Variants in SHISA9 observed in about 807,000 individuals in gnomAD.
SHISA9 encodes protein shisa-9.
Under a neutral mutation model 38.0 loss-of-function variants are expected in SHISA9, and 13 were observed. That is an observed-to-expected ratio of 0.34 (90% confidence interval 0.22 to 0.54). The LOEUF is 0.54. SHISA9 is among the 20% of genes least tolerant of loss of function. The probability of loss-of-function intolerance (pLI) is 0.91; values close to 1 mark genes in which losing one functional copy is unlikely to be tolerated. For missense variants in SHISA9, 538 were observed against 575.8 expected, an observed-to-expected ratio of 0.93 and a Z score of 0.67; for synonymous variants, 275 against 242.0, an observed-to-expected ratio of 1.14 and a Z score of -1.27.
At chr16:13,211,133 C>T (rs552220927) in intron 3 of SHISA9, among the ~76,000 whole-genome samples, 1 of 152,024 alleles carries the variant, frequency 6.6e-6, no homozygotes, top group Non-Finnish European at 1.5e-5. Context: ...CCCATCTCTA[C>T]TAAAAATACA....
intron 2 of SHISA9, among the ~76,000 whole-genome samples, chr16:13,005,494 A>C (rs1436599340): frequency 6.6e-6 from 1 of 152,222 alleles, no homozygotes; most frequent in African/African-American, 2.4e-5. Context: ...GCTCAAGGTC[A>C]CACAGTCAGT....
chr16:13,109,598 T>C (rs1177494222), intron 2 of SHISA9, among the ~76,000 whole-genome samples: 2 of 152,174 alleles, frequency 1.3e-5, no homozygotes, highest in East Asian at 3.9e-4. Flanking sequence ...TTTTAGAAAA[T>C]TTACTGACTT....
intron 2 of SHISA9, among the ~76,000 whole-genome samples, chr16:13,133,213 T>C (rs2050320421): frequency 6.6e-6 from 1 of 152,212 alleles, no homozygotes; most frequent in Admixed American, 6.5e-5. Context: ...GATCTTGATT[T>C]CTACCAAGTA....
At chr16:12,986,797 C>T (rs773469177) in intron 2 of SHISA9, among the ~76,000 whole-genome samples, 112 of 152,140 alleles carry the variant, frequency 7.4e-4, no homozygotes, top group Non-Finnish European at 9.8e-4. Context: ...AACCATTATC[C>T]CCAATTTAAA....
the SHISA9 span, among the ~76,000 whole-genome samples, chr16:13,404,692 A>G: frequency 1.3e-5 from 2 of 152,228 alleles, no homozygotes; most frequent in Admixed American, 1.3e-4. Flanking sequence ...AAAATCACTG[A>G]AAGAGATTCT....
At chr16:13,243,825 T>G (rs772732674), downstream of SHISA9, among the ~76,000 whole-genome samples, 16 of 143,230 alleles carry the variant, frequency 1.1e-4, no homozygotes, top group Non-Finnish European at 9.0e-5. Context: ...CAGGCTGCAG[T>G]GCAGTGGCGC....
At chr16:12,946,253 A>G (rs1318361331) in intron 2 of SHISA9, among the ~76,000 whole-genome samples, 3 of 152,154 alleles carry the variant, frequency 2.0e-5, no homozygotes, top group Non-Finnish European at 4.4e-5. Context: ...GCCCTGTAGT[A>G]TAGTTTGCAG....
intron 2 of SHISA9, among the ~76,000 whole-genome samples, chr16:13,173,296 A>G (rs750628991): frequency 6.6e-6 from 1 of 151,854 alleles, no homozygotes; most frequent in Non-Finnish European, 1.5e-5. Flanking sequence ...CCAGAAGAAC[A>G]AAACTCTTAT....
chr16:13,558,864 A>T, the SHISA9 span, among the ~76,000 whole-genome samples: 1 of 152,188 alleles, frequency 6.6e-6, no homozygotes, highest in Admixed American at 6.5e-5. Context: ...TGTTTTCATC[A>T]CCTGATTAAC....
chr16:13,362,496 G>C, the SHISA9 span, among the ~76,000 whole-genome samples: 2 of 152,122 alleles, frequency 1.3e-5, no homozygotes, highest in Non-Finnish European at 2.9e-5. Context: ...AGATGGGGGA[G>C]CTGAAGAGGA....
chr16:12,937,151 C>A (rs1001592150), intron 2 of SHISA9, among the ~76,000 whole-genome samples: 1 of 152,100 alleles, frequency 6.6e-6, no homozygotes, highest in African/African-American at 2.4e-5. Flanking sequence ...CTTGGAATTT[C>A]CCAGAAGGAT....
Position 13,108,681 on chromosome 16 carries a change from G to A in SHISA9, c.692-94713G>A, listed in dbSNP as rs183143823. Among the ~76,000 whole-genome samples the A allele has an allele frequency of 2.8e-4, 42 of 152,302 alleles. 1 individual carries two copies. Among genetic ancestry groups the A allele is most frequent in the African/African-American group, 6.7e-4 (28 of 41,578 alleles). ...TAATACTAGAGGGAAAAAAATCAGC[G>A]TATGAATTAGAAGCAGATTAGGATG... On this transcript the variant is annotated intron_variant, in intron 2 of 4. Transcript: ENST00000558583.
chr16:13,458,510 G>A, the SHISA9 span: 30 of 409,700 alleles, frequency 7.3e-5, no homozygotes, highest in East Asian at 2.2e-3. Context: ...GAAAAAACTC[G>A]ATCAACAATG....
chr16:13,373,343 CA>C, the SHISA9 span, among the ~76,000 whole-genome samples: 9 of 152,154 alleles, frequency 5.9e-5, no homozygotes, highest in African/African-American at 1.9e-4. Flanking sequence ...CAAGAAAAAA[CA>C]AACTAGTGTT....
chr16:13,357,763 G>A, the SHISA9 span, among the ~76,000 whole-genome samples: 44 of 151,868 alleles, frequency 2.9e-4, no homozygotes, highest in Non-Finnish European at 5.3e-4. Context: ...TTCTCTGGCG[G>A]GTAGGAGTGG....
the SHISA9 span, among the ~76,000 whole-genome samples, chr16:13,509,109 G>A: frequency 6.1e-4 from 93 of 152,128 alleles, no homozygotes; most frequent in African/African-American, 2.2e-3. Context: ...GTGGCAGGAG[G>A]GTAATCACAC....
At chr16:12,983,784 G>A (rs760899264) in intron 2 of SHISA9, among the ~76,000 whole-genome samples, 7 of 152,124 alleles carry the variant, frequency 4.6e-5, no homozygotes, top group African/African-American at 7.2e-5. Context: ...CACCGTGCCC[G>A]GCCCAGTTTT....
At chr16:13,128,491 C>T (rs1452272517) in intron 2 of SHISA9, among the ~76,000 whole-genome samples, 1 of 152,102 alleles carries the variant, frequency 6.6e-6, no homozygotes, top group African/African-American at 2.4e-5. Flanking sequence ...CCTAAATTTT[C>T]TGGCTTGTGG....
chr16:12,902,339 C>G lies in SHISA9; in HGVS notation c.275C>G (p.Ser92Trp). 6.4e-7 allele frequency: 1 copy of G among 1,551,444 alleles called. No homozygotes were observed. Among genetic ancestry groups the G allele is most frequent in the Non-Finnish European group, 8.7e-7 (1 of 1,146,994 alleles). Residue 92 changes from serine to tryptophan, a missense_variant, in exon 1 of 5, where the codon TCG becomes TGG. Physicochemically the swap from Ser to Trp is radical, Grantham distance 177. Around this residue, in one of 4 missense-constraint regions of SHISA9, gnomAD observed 17 missense variants for 57.2 expected, o/e 0.30. Transcript: ENST00000558583. ...TGGGACCCGCCGTTCAACTGCAGCT[C>G]GGGCGACTTCATCTTCTGCTGCGGG... ...GQWDPPFNCS[S>W]GDFIFCCGTC...
Sources: allele counts gnomAD v4.1 joint callset (sites outside exome capture counted in the v4.1 genomes callset), GRCh38; gene constraint gnomAD v4.1.1; regional missense constraint gnomAD v4.1.1; transcripts MANE v1.5; gene names NCBI Gene and HGNC (gene_info 2026-07-23, HGNC 2026-07-21).